Variants in NKAIN2 observed in about 807,000 individuals in gnomAD.
The protein encoded by NKAIN2 is sodium/potassium-transporting ATPase subunit beta-1-interacting protein 2.
Under a neutral mutation model 32.6 loss-of-function variants are expected in NKAIN2, and 14 were observed. That is an observed-to-expected ratio of 0.43 (90% CI 0.28 to 0.67). The LOEUF (loss-of-function observed/expected upper bound fraction) is 0.67, where lower values mean the gene tolerates loss of function less well. NKAIN2 is among the 30% of genes least tolerant of loss of function. The pLI, the probability that NKAIN2 is intolerant of heterozygous loss-of-function variation, is 0.17. For synonymous variants in NKAIN2, 80 were observed against 87.2 expected (o/e 0.92, Z 0.46); for missense variants, 198 against 258.3 (o/e 0.77, Z 1.60).
intron 4 of NKAIN2, among the ~76,000 whole-genome samples, chr6:124,668,835 A>G (rs1046421980): frequency 1.3e-5 from 2 of 152,150 alleles, no homozygotes; most frequent in African/African-American, 4.8e-5. Context: ...GCTTGATAAT[A>G]AAAATATAGT....
intron 1 of NKAIN2, among the ~76,000 whole-genome samples, chr6:124,192,458 G>A (rs1790067685): frequency 3.9e-5 from 6 of 152,044 alleles, no homozygotes; most frequent in Admixed American, 3.9e-4. Flanking sequence ...AGAACATATT[G>A]TATAAGACAT....
chr6:124,069,981 A>G (rs1486683860), intron 1 of NKAIN2, among the ~76,000 whole-genome samples: 1 of 152,190 alleles, frequency 6.6e-6, no homozygotes, highest in Non-Finnish European at 1.5e-5. Context: ...ACAAATTGTC[A>G]CCGAGCTCTG....
chr6:124,511,841 C>T (rs573094129), intron 3 of NKAIN2, among the ~76,000 whole-genome samples: 1 of 152,274 alleles, frequency 6.6e-6, no homozygotes, highest in Admixed American at 6.5e-5. Context: ...CCTAACCCAG[C>T]AGCTGAGTAC....
chr6:124,650,226 A>G (rs1413676688), intron 3 of NKAIN2, among the ~76,000 whole-genome samples: 2 of 152,200 alleles, frequency 1.3e-5, no homozygotes, highest in Admixed American at 1.3e-4. Context: ...AGATAAAATG[A>G]TTGTCTGTGT....
At chr6:124,290,510 A>ATGTGTG (rs56389666) in intron 2 of NKAIN2, among the ~76,000 whole-genome samples, 1,505 of 137,838 alleles carry the variant, frequency 0.011, 23 homozygotes, top group African/African-American at 0.026. Context: ...TACCTCAGAA[A>ATGTGTG]TGTGTGTGTG....
At position 124,165,311 on chromosome 6, in the gene NKAIN2, G is replaced by A. The variant is rs956458105; in HGVS notation, c.55-117694G>A. Reference sequence around the variant, plus strand: ...GAAAAATTGGAATCACTAATTATGGGCTTAATAAAATGTTGCTAATAGGCA... The same window carrying A: ...GAAAAATTGGAATCACTAATTATGGACTTAATAAAATGTTGCTAATAGGCA... On this transcript the variant is annotated intron_variant, in intron 1 of 6. Coordinates refer to ENST00000368417, the MANE Select transcript of NKAIN2 (RefSeq NM_001040214.3). Among the ~76,000 whole-genome samples, 4 of 152,076 alleles carry A rather than the reference G, an allele frequency of 2.6e-5. No individual in the cohort carries two copies. In the South Asian group the frequency reaches 8.3e-4, roughly 32 times the overall value.
At chr6:124,618,239 A>G (rs1301068419) in intron 3 of NKAIN2, among the ~76,000 whole-genome samples, 1 of 152,188 alleles carries the variant, frequency 6.6e-6, no homozygotes, top group Non-Finnish European at 1.5e-5. Flanking sequence ...GCACTTTGGG[A>G]GGCTGAGCCG....
At chr6:124,697,339 G>T (rs1407761355) in intron 4 of NKAIN2, among the ~76,000 whole-genome samples, 1 of 152,074 alleles carries the variant, frequency 6.6e-6, no homozygotes, top group Non-Finnish European at 1.5e-5. Flanking sequence ...TTAGATGATG[G>T]TGTTTCTGGC....
intron 1 of NKAIN2, among the ~76,000 whole-genome samples, chr6:124,209,179 A>G (rs768354534): frequency 2.0e-5 from 3 of 151,648 alleles, no homozygotes; most frequent in Non-Finnish European, 4.4e-5. Flanking sequence ...CCATGTATTC[A>G]ATTTTATTTT....
chr6:123,940,856 A>T (rs1776784567), intron 1 of NKAIN2, among the ~76,000 whole-genome samples: 1 of 151,960 alleles, frequency 6.6e-6, no homozygotes, highest in African/African-American at 2.4e-5. Context: ...AAAATTTTTC[A>T]TTCTTCAATA....
chr6:123,901,112 A>G (rs1774565273), intron 1 of NKAIN2, among the ~76,000 whole-genome samples: 1 of 152,142 alleles, frequency 6.6e-6, no homozygotes, highest in Non-Finnish European at 1.5e-5. Context: ...TATTGTCCTT[A>G]GTATTTTAAA....
At chr6:124,259,806 G>T (rs1794141766) in intron 1 of NKAIN2, among the ~76,000 whole-genome samples, 1 of 152,086 alleles carries the variant, frequency 6.6e-6, no homozygotes, top group Non-Finnish European at 1.5e-5. Context: ...CAGGTGGGGT[G>T]ATCTCCCTGG....
chr6:124,016,224 C>A (rs569417623), intron 1 of NKAIN2, among the ~76,000 whole-genome samples: 1 of 152,186 alleles, frequency 6.6e-6, no homozygotes, highest in East Asian at 1.9e-4. Context: ...GGGCAAGGAA[C>A]CACAGGCAGG....
At chr6:123,854,879 T>C (rs964944371) in intron 1 of NKAIN2, among the ~76,000 whole-genome samples, 19 of 152,198 alleles carry the variant, frequency 1.2e-4, no homozygotes, top group African/African-American at 4.1e-4. Flanking sequence ...AAAGGAACTT[T>C]GGTCTTCTGC....
intron 1 of NKAIN2, among the ~76,000 whole-genome samples, chr6:124,070,715 T>TACCAAC (rs1318426507): frequency 6.6e-6 from 1 of 152,172 alleles, no homozygotes; most frequent in African/African-American, 2.4e-5. Context: ...ATGCAATTTC[T>TACCAAC]ATCAAACTAC....
chr6:124,359,647 G>A (rs9375326), intron 3 of NKAIN2, among the ~76,000 whole-genome samples: 21,077 of 152,114 alleles, frequency 0.14, 1,590 homozygotes, highest in African/African-American at 0.2. Context: ...TGCTGAAGTT[G>A]CCTATCAGCT....
At chr6:123,945,510 C>A (rs1240920640) in intron 1 of NKAIN2, among the ~76,000 whole-genome samples, 2 of 152,106 alleles carry the variant, frequency 1.3e-5, no homozygotes, top group African/African-American at 4.8e-5. Flanking sequence ...CTGGCACCTT[C>A]TTCCTCAATG....
rs557183660 is a variant in NKAIN2, at chr6:124,047,473, A to G, written c.55-235532A>G. ...CTATATATATATAGTTAAATAGCAA[A>G]CTGCATGATCTTAATGAGGTAAGAA... is the stretch of plus-strand genomic sequence containing the variant. On this transcript the variant is annotated intron_variant, in intron 1 of 6. Coordinates refer to ENST00000368417, the MANE Select transcript of NKAIN2 (RefSeq NM_001040214.3). Among the ~76,000 whole-genome samples the G allele has an allele frequency of 1.2e-4, 18 of 151,976 alleles. No homozygotes were observed. In the South Asian group the frequency reaches 3.8e-3, roughly 32 times the overall value.
chr6:124,602,515 G>A (rs567424242), intron 3 of NKAIN2, among the ~76,000 whole-genome samples: 4 of 151,910 alleles, frequency 2.6e-5, no homozygotes, highest in South Asian at 4.1e-4. Context: ...AATGAGTGTC[G>A]TGCATCAGAA....
Sources: allele counts gnomAD v4.1 joint callset (sites outside exome capture counted in the v4.1 genomes callset), GRCh38; gene constraint gnomAD v4.1.1; transcripts MANE v1.5; gene names NCBI Gene and HGNC (gene_info 2026-07-23, HGNC 2026-07-21).